The following FCRL1 variants were observed in gnomAD, a reference collection of about 807,000 sequenced individuals.
FCRL1 encodes Fc receptor like 1, also known as Fc receptor-like protein 1.
In FCRL1, 34 loss-of-function variants were observed where a neutral mutation model predicts 49.2. The observed-to-expected ratio is 0.69, with a 90% CI of 0.53 to 0.92. The LOEUF is 0.92. FCRL1 is among the 40% of genes least tolerant of loss of function. FCRL1 has a pLI of 0.00. For synonymous variants in FCRL1, 218 were observed against 201.6 expected (o/e 1.08, Z -0.69); for missense variants, 524 against 524.1 (o/e 1.00, Z 0.00).
chr1:157,803,391 A>C (rs1652857056), intron 3 of FCRL1, among the ~76,000 whole-genome samples: 1 of 152,192 alleles, frequency 6.6e-6, no homozygotes. Flanking sequence ...TCAAGCTCCA[A>C]CTGCCCTTCC....
In FCRL1 at chr1:157,796,708, A is replaced by T. The variant is rs1184987659; in HGVS notation, c.1218+393T>A. Among the ~76,000 whole-genome samples the T allele has an allele frequency of 5.9e-5, 9 of 152,360 alleles. No individual in the cohort carries two copies. The South Asian group carries it at 1.7e-3, about 28-fold the overall frequency. ...CTAATTTTTAGTGACACAAATTACT[A>T]TTAGCTTAGGTTTGTTCAATATTAA... is the stretch of plus-strand genomic sequence containing the variant. On this transcript the variant is annotated intron_variant, in intron 10 of 10. Transcript: ENST00000368176.
intron 1 of FCRL1, among the ~76,000 whole-genome samples, chr1:157,815,773 C>T (rs1035500424): frequency 6.6e-6 from 1 of 151,752 alleles, no homozygotes; most frequent in African/African-American, 2.4e-5. Context: ...AGCATCACAA[C>T]TGACATCACA....
chr1:157,815,974 A>C lies in FCRL1; in HGVS notation c.31+4033T>G, dbSNP rs61619804. 8.3e-3 allele frequency among the ~76,000 whole-genome samples: 1,261 copies of C among 152,032 alleles called. 14 individuals are homozygous for C. The highest frequency in any genetic ancestry group is 0.028 in the African/African-American group (1,171 of 41,558). ...AATCAGTAATAAAAAGTCTTCCATC[A>C]AAAAGGAACCTAGGATCTGATGGCT... On this transcript the variant is annotated intron_variant, in intron 1 of 10. Transcript: ENST00000368176.
intron 10 of FCRL1, among the ~76,000 whole-genome samples, chr1:157,796,760 A>G (rs1285510319): frequency 6.6e-6 from 1 of 152,236 alleles, no homozygotes; most frequent in Non-Finnish European, 1.5e-5. Context: ...TGTTTGGTTA[A>G]CCTTATAGTA....
At chr1:157,796,227 G>A in intron 10 of FCRL1, 57 bp from the exon 11 acceptor site, 2 of 1,397,040 alleles carry the variant, frequency 1.4e-6, no homozygotes, top group South Asian at 1.2e-5. Context: ...GCCTCCACTG[G>A]TCCCCTTCCC....
intron 1 of FCRL1, among the ~76,000 whole-genome samples, chr1:157,815,626 T>C (rs754217448): frequency 2.0e-5 from 3 of 151,410 alleles, no homozygotes; most frequent in Admixed American, 6.6e-5. Context: ...ATAAATGAAA[T>C]AGAGACTAGA....
intron 1 of FCRL1, among the ~76,000 whole-genome samples, chr1:157,811,130 C>A (rs561015346): frequency 1.5e-4 from 23 of 152,124 alleles, no homozygotes; most frequent in African/African-American, 5.5e-4. Context: ...TAAATGGAAG[C>A]CATATTTCTA....
chr1:157,801,048 C>A (rs924225333), intron 6 of FCRL1, among the ~76,000 whole-genome samples: 1 of 152,062 alleles, frequency 6.6e-6, no homozygotes, highest in South Asian at 2.1e-4. Flanking sequence ...TGCATCACCA[C>A]GCCCAGCTAA....
intron 7 of FCRL1, 72 bp downstream of exon 7, chr1:157,799,986 G>C (rs1446528809): frequency 6.9e-7 from 1 of 1,453,020 alleles, no homozygotes; most frequent in Non-Finnish European, 9.4e-7. Context: ...GCTCAGGAGA[G>C]AACAAATCTA....
intron 1 of FCRL1, among the ~76,000 whole-genome samples, chr1:157,814,063 A>G (rs1380603626): frequency 6.6e-6 from 1 of 152,176 alleles, no homozygotes; most frequent in Non-Finnish European, 1.5e-5. Context: ...ACCACTAGAC[A>G]AGCCTTAAAG....
chr1:157,807,048 C>A, intron 2 of FCRL1, 54 bp downstream of exon 2: 2 of 1,608,948 alleles, frequency 1.2e-6, no homozygotes, highest in Non-Finnish European at 8.5e-7. Context: ...CCTGTGCTGA[C>A]CTAAGTAACA....
chr1:157,807,681 T>G (rs1227521892), intron 1 of FCRL1, among the ~76,000 whole-genome samples: 2 of 152,210 alleles, frequency 1.3e-5, no homozygotes, highest in Non-Finnish European at 2.9e-5. Context: ...AGAAAAGGAA[T>G]TCAAATTTCT....
chr1:157,810,670 C>A (rs1388627016), intron 1 of FCRL1, among the ~76,000 whole-genome samples: 4 of 151,788 alleles, frequency 2.6e-5, no homozygotes, highest in Non-Finnish European at 5.9e-5. Flanking sequence ...AAATCTTTGT[C>A]AAAAATTATA....
rs1472965655 is a variant in FCRL1, at chr1:157,795,982, G to A, written c.*117C>T. ...GTAGATGAAGGAATAGTGCCATGGA[G>A]AATGGCATCCAGAAGAGGTATACTG... On this transcript the variant is annotated 3_prime_UTR_variant, in exon 11 of 11. Transcript: ENST00000368176. The A allele has an allele frequency of 1.2e-6, 1 of 853,892 alleles. No individual in the cohort carries two copies. Among genetic ancestry groups the A allele is most frequent in the East Asian group, 2.4e-5 (1 of 41,108 alleles). The allele number at this position is 853,892 out of a possible 1,614,324, so 52.9% of individuals were successfully genotyped here.
At chr1:157,801,627 T>C in intron 5 of FCRL1, 50 bp from the exon 6 acceptor site, 1 of 1,323,798 alleles carries the variant, frequency 7.6e-7, no homozygotes, top group Non-Finnish European at 1.1e-6. Flanking sequence ...GGCTTGGGGC[T>C]TAGAGAGCAG....
At position 157,814,083 on chromosome 1, in the gene FCRL1, AAG is replaced by A. The variant is rs754897673; in HGVS notation, c.31+5922_31+5923del. Among the ~76,000 whole-genome samples, 9 of 152,276 alleles carry A rather than the reference AAG, an allele frequency of 5.9e-5. No individual in the cohort carries two copies. In the East Asian group the frequency reaches 7.7e-4, roughly 13 times the overall value. On this transcript the variant is annotated intron_variant, in intron 1 of 10. Coordinates refer to ENST00000368176, the MANE Select transcript of FCRL1 (RefSeq NM_052938.5). ...TAGACAAGCCTTAAAGTAACTGCATAAGAGAGTGTTCCAGCCAGAAGTGAAAG... is the reference window on the plus strand; with the variant it reads ...TAGACAAGCCTTAAAGTAACTGCATAAGAGTGTTCCAGCCAGAAGTGAAAG...
chr1:157,796,215 A>G (rs778696725), intron 10 of FCRL1, 45 bp from the exon 11 acceptor site: 3 of 1,495,132 alleles, frequency 2.0e-6, no homozygotes, highest in East Asian at 4.5e-5. Flanking sequence ...CAAGCAGAAC[A>G]TGCCTCCACT....
chr1:157,816,081 C>T (rs1176460177), intron 1 of FCRL1, among the ~76,000 whole-genome samples: 2 of 151,758 alleles, frequency 1.3e-5, no homozygotes, highest in African/African-American at 4.8e-5. Flanking sequence ...AAGAAGAAAA[C>T]ACTTTCAAAC....
chr1:157,803,017 TC>T (rs1203397679), intron 3 of FCRL1, among the ~76,000 whole-genome samples: 1 of 152,224 alleles, frequency 6.6e-6, no homozygotes, highest in Non-Finnish European at 1.5e-5. Flanking sequence ...TGGTTCCAAC[TC>T]TTTTACTCGT....
Sources: gnomAD v4.1 joint callset for allele counts (sites outside exome capture counted in the v4.1 genomes callset) on GRCh38, gnomAD v4.1.1 for gene constraint, MANE v1.5 for transcripts, NCBI Gene and HGNC (gene_info 2026-07-23, HGNC 2026-07-21) for gene names.